SYNPR: variants seen among roughly 807,000 people sequenced by gnomAD.
SYNPR encodes the protein synaptoporin.
In SYNPR, 23 loss-of-function variants were observed where a neutral mutation model predicts 32.9. The observed-to-expected ratio is 0.70, with a 90% CI of 0.50 to 0.99. SYNPR has a LOEUF of 0.99. Ranked by LOEUF, SYNPR falls within the 50% of genes least tolerant of loss-of-function variation. The pLI is 0.00. For missense variants in SYNPR, 318 were observed against 349.3 expected, an observed-to-expected ratio of 0.91 and a Z score of 0.71; for synonymous variants, 146 against 135.9, an observed-to-expected ratio of 1.07 and a Z score of -0.52.
intron 2 of SYNPR, among the ~76,000 whole-genome samples, chr3:63,288,553 G>C (rs1366216154): frequency 6.6e-6 from 1 of 152,152 alleles, no homozygotes; most frequent in Non-Finnish European, 1.5e-5. Flanking sequence ...GCCTCCACTA[G>C]CTTGTGTGAT....
At chr3:63,543,027 T>C (rs1702335269) in intron 3 of SYNPR, among the ~76,000 whole-genome samples, 2 of 152,146 alleles carry the variant, frequency 1.3e-5, no homozygotes, top group Non-Finnish European at 1.5e-5. Context: ...ATTATATCCA[T>C]AGATATTTAT....
At chr3:63,320,640 A>G (rs1013161038) in intron 2 of SYNPR, among the ~76,000 whole-genome samples, 5 of 152,104 alleles carry the variant, frequency 3.3e-5, no homozygotes, top group Non-Finnish European at 7.4e-5. Flanking sequence ...AAAATATTTA[A>G]TGAATGATTG....
chr3:63,393,496 CTTTTTT>C (rs71631152), intron 2 of SYNPR, among the ~76,000 whole-genome samples: 3 of 84,508 alleles, frequency 3.5e-5, no homozygotes, highest in African/African-American at 1.1e-4. Flanking sequence ...TCTTTCTTCT[CTTTTTT>C]TTTTTTTTTT....
At chr3:63,318,600 G>A (rs1211316619) in intron 2 of SYNPR, among the ~76,000 whole-genome samples, 2 of 151,892 alleles carry the variant, frequency 1.3e-5, no homozygotes, top group Non-Finnish European at 2.9e-5. Flanking sequence ...AAAGTTTCCT[G>A]AATTTTTGAT....
chr3:63,446,798 A>C (rs1334974165), intron 2 of SYNPR, among the ~76,000 whole-genome samples: 1 of 152,184 alleles, frequency 6.6e-6, no homozygotes, highest in African/African-American at 2.4e-5. Context: ...AATTGGAAGA[A>C]CTAAGAGTCA....
At chr3:63,495,665 C>T (rs1273027096) in intron 3 of SYNPR, among the ~76,000 whole-genome samples, 1 of 152,094 alleles carries the variant, frequency 6.6e-6, no homozygotes, top group East Asian at 1.9e-4. Flanking sequence ...TGTTTATAAC[C>T]ACATTTTAAA....
chr3:63,393,796 C>A (rs2088175953), intron 2 of SYNPR, among the ~76,000 whole-genome samples: 1 of 152,162 alleles, frequency 6.6e-6, no homozygotes, highest in African/African-American at 2.4e-5. Context: ...CAGGTGTGAG[C>A]CGCAGTGGCT....
chr3:63,577,961 T>C (rs17399415), intron 4 of SYNPR, among the ~76,000 whole-genome samples: 6,333 of 152,214 alleles, frequency 0.042, 213 homozygotes, highest in Admixed American at 0.089. Context: ...TGGCAACAGA[T>C]TAGAGAGAGC....
At chr3:63,525,497 C>T (rs762292455) in intron 3 of SYNPR, among the ~76,000 whole-genome samples, 2 of 152,186 alleles carry the variant, frequency 1.3e-5, no homozygotes, top group South Asian at 4.1e-4. Context: ...CCTTCCCTGA[C>T]CATATTTCCC....
rs71126590 is a variant in SYNPR, at chr3:63,265,241, C to CTTTTTTTTTTTTTTTTTTTTT, written n.155-2070_155-2050dup. On this transcript the variant is annotated intron_variant and non_coding_transcript_variant, in intron 2 of 4. Coordinates refer to the SYNPR transcript ENST00000478456. The stretch of plus-strand genomic sequence containing the variant: ...TGGCAATTTGGTTTCTAATGACATT[C>CTTTTTTTTTTTTTTTTTTTTT]TTTTTTTTTTTTTTTTTTTTTTTTT... 2.9e-5 allele frequency among the ~76,000 whole-genome samples: 3 copies of CTTTTTTTTTTTTTTTTTTTTT among 102,210 alleles called. 1 individual carries two copies. The highest frequency in any genetic ancestry group is 1.1e-4 in the Admixed American group (1 of 9,350). 67.1% of individuals were successfully genotyped at this position (102,210 alleles called of 152,430 possible). A position where few individuals can be genotyped will look rare whatever the true frequency, so the allele number is the denominator to read the frequency against.
At chr3:63,209,932 G>C in the SYNPR span, among the ~76,000 whole-genome samples, 7 of 152,094 alleles carry the variant, frequency 4.6e-5, no homozygotes, top group Non-Finnish European at 1.0e-4. Context: ...ATGCTGGATG[G>C]GTGCTTGAGA....
intron 4 of SYNPR, among the ~76,000 whole-genome samples, chr3:63,605,692 T>C (rs1247831563): frequency 6.6e-6 from 1 of 152,200 alleles, no homozygotes; most frequent in African/African-American, 2.4e-5. Context: ...TAACATAGGA[T>C]GCTATTTATA....
intron 2 of SYNPR, among the ~76,000 whole-genome samples, chr3:63,261,355 G>T (rs2086436258): frequency 6.6e-6 from 1 of 151,834 alleles, no homozygotes. Context: ...AGAAAATGTG[G>T]CACATATACA....
intron 2 of SYNPR, among the ~76,000 whole-genome samples, chr3:63,340,636 G>C (rs937557834): frequency 2.0e-5 from 3 of 151,748 alleles, no homozygotes; most frequent in African/African-American, 7.3e-5. Flanking sequence ...AGCCGGGATG[G>C]TCTCGATCTC....
At chr3:63,557,668 C>A (rs191557312) in intron 4 of SYNPR, among the ~76,000 whole-genome samples, 3 of 152,100 alleles carry the variant, frequency 2.0e-5, no homozygotes, top group Non-Finnish European at 4.4e-5. Flanking sequence ...AAATAATTTT[C>A]GGTGACATGT....
intron 2 of SYNPR, among the ~76,000 whole-genome samples, chr3:63,333,626 C>T (rs984280016): frequency 1.3e-5 from 2 of 152,142 alleles, no homozygotes; most frequent in African/African-American, 4.8e-5. Flanking sequence ...CTATGTTGCC[C>T]AGGCTGGTCT....
At chr3:63,423,404 G>A (rs1350449148) in intron 2 of SYNPR, among the ~76,000 whole-genome samples, 1 of 152,200 alleles carries the variant, frequency 6.6e-6, no homozygotes, top group Non-Finnish European at 1.5e-5. Context: ...TGGCCAGCGA[G>A]GAGACAGGAG....
intron 2 of SYNPR, among the ~76,000 whole-genome samples, chr3:63,360,567 G>A (rs2087643767): frequency 6.6e-6 from 1 of 152,072 alleles, no homozygotes; most frequent in Non-Finnish European, 1.5e-5. Flanking sequence ...AATATCATCT[G>A]GACACTAGCT....
At chr3:63,473,450 A>G (rs887045057) in intron 2 of SYNPR, among the ~76,000 whole-genome samples, 2 of 152,164 alleles carry the variant, frequency 1.3e-5, no homozygotes, top group Non-Finnish European at 1.5e-5. Context: ...GGGAGCACCA[A>G]CTTCATGCCA....
Sources: allele counts gnomAD v4.1 joint callset (sites outside exome capture counted in the v4.1 genomes callset), GRCh38; gene constraint gnomAD v4.1.1; transcripts MANE v1.5; gene names NCBI Gene and HGNC (gene_info 2026-07-23, HGNC 2026-07-21).